The following MYBPC3 variants were observed in gnomAD, a reference collection of about 807,000 sequenced individuals.
MYBPC3 encodes the protein myosin binding protein C3, also known as myosin-binding protein C, cardiac-type.
Under a neutral mutation model 159.3 loss-of-function variants are expected in MYBPC3, and 108 were observed. The observed-to-expected ratio is 0.68, with a 90% confidence interval of 0.58 to 0.80. The LOEUF is 0.80. Ranked by LOEUF, MYBPC3 falls within the 30% of genes least tolerant of loss-of-function variation. MYBPC3 has a pLI of 0.00. For missense variants in MYBPC3, 1,631 were observed against 1,762.1 expected, an observed-to-expected ratio of 0.93 and a Z score of 1.33; for synonymous variants, 730 against 702.0, an observed-to-expected ratio of 1.04 and a Z score of -0.63.
intron 2 of MYBPC3, among the ~76,000 whole-genome samples, chr11:47,350,910 G>C (rs955997420): frequency 6.6e-6 from 1 of 152,130 alleles, no homozygotes; most frequent in African/African-American, 2.4e-5. Context: ...CTCAGACTGG[G>C]CTGCACTCCC....
intron 13 of MYBPC3, 48 bp downstream of exon 13, chr11:47,343,443 TG>T: frequency 6.5e-7 from 1 of 1,542,556 alleles, no homozygotes; most frequent in South Asian, 1.2e-5. Flanking sequence ...GGCAAGGCTA[TG>T]GGGGTCCCCA....
Position 47,337,683 on chromosome 11 carries a change from C to A in MYBPC3, c.2413+7G>T. On this transcript the variant is annotated splice_region_variant and intron_variant, in intron 24 of 34. Transcript: ENST00000545968. ...CTCACACCTCCATCCGGTGCCCTTG[C>A]ACTCACCCAGGATGGGCTGCCCGCC... 1 of 1,589,826 alleles carries A rather than the reference C, an allele frequency of 6.3e-7. No individual in the cohort carries two copies. Among genetic ancestry groups the A allele is most frequent in the Non-Finnish European group, 8.6e-7 (1 of 1,168,218 alleles).
Position 47,337,913 on chromosome 11 carries a change from CAA to C in MYBPC3, c.2309-121_2309-120del, listed in dbSNP as rs11570095. ...AGGCTGCCCCCACCACCCCCAGATC[CAA>C]AGAGATCTTTCTAGAATGCATTTCT... On this transcript the variant is annotated intron_variant, in intron 23 of 34. Coordinates refer to ENST00000545968, the MANE Select transcript of MYBPC3 (RefSeq NM_000256.3). 0.043 allele frequency: 30,139 copies of C among 706,468 alleles called. 942 individuals carry two copies. Among genetic ancestry groups the C allele is most frequent in the South Asian group, 0.1 (5,484 of 53,526 alleles). 43.8% of individuals were successfully genotyped at this position (706,468 alleles called of 1,614,324 possible). A position where few individuals can be genotyped will look rare whatever the true frequency, so the allele number is the denominator to read the frequency against.
rs569710158 is a variant in MYBPC3 at position 47,331,603 on chromosome 11, T to C, written c.*140A>G. On this transcript the variant is annotated 3_prime_UTR_variant, in exon 35 of 35. Transcript: ENST00000545968. ...CAGGACTGCCCGACAACTGCCCTGC[T>C]GATCCCCCATCGCAGCACAGGAGAC... 73 of 513,668 alleles carry C rather than the reference T, an allele frequency of 1.4e-4. No individual in the cohort carries two copies. In the South Asian group the frequency reaches 1.9e-3, roughly 13 times the overall value. The allele number at this position is 513,668 out of a possible 1,614,324, so 31.8% of individuals were successfully genotyped here.
intron 23 of MYBPC3, 105 bp from the exon 24 acceptor site, chr11:47,337,899 A>T: frequency 2.7e-6 from 2 of 731,714 alleles, no homozygotes; most frequent in Non-Finnish European, 4.2e-6. Flanking sequence ...GGCTGCCCCC[A>T]CCACCCCCAG....
Position 47,335,939 on chromosome 11 carries a change from G to A in MYBPC3, c.2675C>T (p.Pro892Leu). 1 of 1,563,304 alleles carries A rather than the reference G, an allele frequency of 6.4e-7. No individual in the cohort carries two copies. Among genetic ancestry groups the A allele is most frequent in the Non-Finnish European group, 8.7e-7 (1 of 1,155,180 alleles). ...GCCTCCTGCTCCCACGCGCTCTGGG[G>A]GCCGCCACTTGAGGGAGACCGTGGT... ...SDTTVSLKWRPPERVGAGGLD... is the reference protein window; with the variant it reads ...SDTTVSLKWRLPERVGAGGLD... Residue 892 changes from proline to leucine, a missense_variant, in exon 26 of 35, where the codon CCC (proline) becomes CTC (leucine). By Grantham distance (98) the Pro-to-Leu change is moderately conservative. Transcript: ENST00000545968.
Position 47,350,621 on chromosome 11 carries a change from G to C in MYBPC3, c.293-6C>G. 6.7e-7 allele frequency: 1 copy of C among 1,483,188 alleles called. No homozygotes were observed. Among genetic ancestry groups the C allele is most frequent in the South Asian group, 1.4e-5 (1 of 72,428 alleles). 91.9% of individuals were successfully genotyped at this position (1,483,188 alleles called of 1,614,324 possible). On this transcript the variant is annotated splice_region_variant and splice_polypyrimidine_tract_variant and intron_variant, in intron 2 of 34. Transcript: ENST00000545968. ...CAGCATGGGCTCTGCCTTCTCTGGA[G>C]GGGATCAGATGGGAGTCGTGGTGCA...
chr11:47,333,380 G>A (rs745953866), intron 29 of MYBPC3, 47 bp from the exon 30 acceptor site: 2 of 1,516,610 alleles, frequency 1.3e-6, no homozygotes, highest in South Asian at 1.3e-5. Flanking sequence ...CTGACAGTGA[G>A]CAGGGGGTCA....
At chr11:47,343,943 C>T (rs927666629) in intron 12 of MYBPC3, among the ~76,000 whole-genome samples, 2 of 152,136 alleles carry the variant, frequency 1.3e-5, no homozygotes, top group Non-Finnish European at 2.9e-5. Context: ...CATGTGCCAC[C>T]ACGCCCAGCT....
rs11570057 is a variant in MYBPC3 at position 47,348,209 on chromosome 11, C to G, written c.772+215G>C. Among the ~76,000 whole-genome samples the G allele has an allele frequency of 0.021, 3,170 of 152,302 alleles. 51 individuals are homozygous for G. Among genetic ancestry groups the G allele is most frequent in the Middle Eastern group, 0.044 (13 of 294 alleles). On this transcript the variant is annotated intron_variant, in intron 6 of 34. Transcript: ENST00000545968. Reference sequence around the variant, plus strand: ...TGACACCAAGATGATAAAACAGAGTCCCACCCAGATGAGACCCGGACTCAG... The same window carrying G: ...TGACACCAAGATGATAAAACAGAGTGCCACCCAGATGAGACCCGGACTCAG...
rs754902004 is a variant in MYBPC3 at position 47,342,008 on chromosome 11, C to A, written c.1773G>T (p.Lys591Asn). 7 of 1,573,888 alleles carry A rather than the reference C, an allele frequency of 4.4e-6. No individual in the cohort carries two copies. The highest frequency in any genetic ancestry group is 3.3e-4 in the Middle Eastern group (2 of 6,016). Reference protein sequence around the residue: ...GKELVPDSRIKVSHIGRVHKL... With the variant: ...GKELVPDSRINVSHIGRVHKL... The stretch of plus-strand genomic sequence containing the variant: ...ACACTCACCGCCCGATGTGGGACAC[C>A]TTTATGCGGCTGTCGGGCACCAGCT... The change falls in exon 18 of 35, where the codon AAG becomes AAT. Residue 591 changes from lysine to asparagine, a missense_variant. Physicochemically the swap from Lys to Asn is moderately conservative, Grantham distance 94. Coordinates refer to ENST00000545968, the MANE Select transcript of MYBPC3 (RefSeq NM_000256.3).
chr11:47,348,927 T>TATATATATATATATATATATATA lies in MYBPC3; in HGVS notation c.655-387_655-386insTATATATATATATATATATATAT, dbSNP rs1555123220. Among the ~76,000 whole-genome samples the TATATATATATATATATATATATA allele has an allele frequency of 1.6e-3, 197 of 126,132 alleles. 1 individual carries two copies. Among genetic ancestry groups the TATATATATATATATATATATATA allele is most frequent in the Middle Eastern group, 0.012 (3 of 250 alleles). The allele number at this position is 126,132 out of a possible 152,430, so 82.7% of individuals were successfully genotyped here. A position where few individuals can be genotyped will look rare whatever the true frequency, so the allele number is the denominator to read the frequency against. On this transcript the variant is annotated intron_variant, in intron 5 of 34. Transcript: ENST00000545968. ...CTCAAATTATATATATATATATATA[T>TATATATATATATATATATATATA]TTAAAGGAGGCTGGGAGTGACAAAT...
chr11:47,334,711 C>T (rs762353258), intron 27 of MYBPC3, among the ~76,000 whole-genome samples: 12 of 152,122 alleles, frequency 7.9e-5, no homozygotes, highest in East Asian at 3.9e-4. Flanking sequence ...TACAGGCACG[C>T]GCCACCACAC....
In MYBPC3 at chr11:47,332,468, GAA is replaced by G. The variant is rs2142849776; in HGVS notation, c.3627+96_3627+97del. ...CGGTCCATACACCCCAAGGTGGAGA[GAA>G]AGCAGGGGAGACAGGCTGGGGAGAG... On this transcript the variant is annotated intron_variant, in intron 32 of 34. Coordinates refer to ENST00000545968, the MANE Select transcript of MYBPC3 (RefSeq NM_000256.3). This position sits in a 1 kb window ranked among gnomAD's most constrained non-coding sequence, Gnocchi z 4.2. 6.6e-7 allele frequency: 1 copy of G among 1,521,308 alleles called. No homozygotes were observed. The highest frequency in any genetic ancestry group is 2.3e-5 in the East Asian group (1 of 44,078). The allele number at this position is 1,521,308 out of a possible 1,614,324, so 94.2% of individuals were successfully genotyped here.
At chr11:47,348,027 G>T in intron 6 of MYBPC3, 122 bp from the exon 7 acceptor site, 2 of 964,584 alleles carry the variant, frequency 2.1e-6, no homozygotes, top group Non-Finnish European at 3.2e-6. Flanking sequence ...CATGAGGCTG[G>T]GCATCTGCCC....
intron 27 of MYBPC3, 63 bp from the exon 28 acceptor site, chr11:47,334,073 C>A (rs1408144239): frequency 1.4e-6 from 2 of 1,462,436 alleles, no homozygotes; most frequent in Non-Finnish European, 9.4e-7. Context: ...CTCCACAGCT[C>A]CAACCTCCCT....
At position 47,346,423 on chromosome 11, in the gene MYBPC3, C is replaced by T. The variant is rs529092959; in HGVS notation, c.927-53G>A. 24 of 1,496,396 alleles carry T rather than the reference C, an allele frequency of 1.6e-5. No individual in the cohort carries two copies. The highest frequency in any genetic ancestry group is 1.5e-4 in the East Asian group (6 of 40,886). 92.7% of individuals were successfully genotyped at this position (1,496,396 alleles called of 1,614,324 possible). On this transcript the variant is annotated intron_variant, in intron 11 of 34. Coordinates refer to ENST00000545968, the MANE Select transcript of MYBPC3 (RefSeq NM_000256.3). This position sits in a 1 kb window ranked among gnomAD's most constrained non-coding sequence, Gnocchi z 5.3. ...GGGGGCAAGACTGCAGCCCCCTGGG[C>T]GGGGCTTCCTGGGCCCAGGACCAAG... is the stretch of plus-strand genomic sequence containing the variant.
Position 47,331,646 on chromosome 11 carries a change from A to G in MYBPC3, c.*97T>C. 1 of 591,582 alleles carries G rather than the reference A, an allele frequency of 1.7e-6. No individual in the cohort carries two copies. The highest frequency in any genetic ancestry group is 2.1e-5 in the South Asian group (1 of 47,142). 36.6% of individuals were successfully genotyped at this position (591,582 alleles called of 1,614,324 possible). A position where few individuals can be genotyped will look rare whatever the true frequency, so the allele number is the denominator to read the frequency against. On this transcript the variant is annotated 3_prime_UTR_variant, in exon 35 of 35. Transcript: ENST00000545968. ...CAGGAGACACACTTGTCACACATAC[A>G]TCCAACAGTAGGGAGGGGTTTCCCC...
Position 47,332,437 on chromosome 11 carries a change from G to A in MYBPC3, c.3627+129C>T. The A allele has an allele frequency of 1.4e-6, 2 of 1,463,346 alleles. No individual in the cohort carries two copies. Among genetic ancestry groups the A allele is most frequent in the Middle Eastern group, 2.2e-4 (1 of 4,494 alleles). The allele number at this position is 1,463,346 out of a possible 1,614,324, so 90.6% of individuals were successfully genotyped here. ...AGTACCATGGCCCTGCCCAGGGGGA[G>A]GAACCCGGTCCATACACCCCAAGGT... On this transcript the variant is annotated intron_variant, in intron 32 of 34. Transcript: ENST00000545968. The surrounding 1 kb of genome is among the most constrained non-coding windows in gnomAD (Gnocchi z 4.2).
Sources: allele counts gnomAD v4.1 joint callset (sites outside exome capture counted in the v4.1 genomes callset), GRCh38; gene constraint gnomAD v4.1.1; non-coding constraint Gnocchi (gnomAD v3.1); transcripts MANE v1.5; gene names NCBI Gene and HGNC (gene_info 2026-07-23, HGNC 2026-07-21).